The following CEP95 variants were observed in gnomAD, a reference collection of about 807,000 sequenced individuals.
The protein encoded by CEP95 is centrosomal protein 95.
In CEP95, 98 loss-of-function variants were observed where a neutral mutation model predicts 111.2. The ratio of observed to expected loss-of-function variants is 0.88; its 90% confidence interval spans 0.75 to 1.04. The LOEUF (loss-of-function observed/expected upper bound fraction) is 1.04, where lower values mean the gene tolerates loss of function less well. Ranked by LOEUF, CEP95 falls within the 50% of genes least tolerant of loss-of-function variation. The probability of loss-of-function intolerance (pLI) is 0.00; values close to 1 mark genes in which losing one functional copy is unlikely to be tolerated. For synonymous variants in CEP95, 323 were observed against 327.1 expected, an observed-to-expected ratio of 0.99 and a Z score of 0.14; for missense variants, 1,027 against 977.2, an observed-to-expected ratio of 1.05 and a Z score of -0.68.
At chr17:64,506,870 A>T (rs983624086), upstream of CEP95, 12 of 634,154 alleles carry the variant, frequency 1.9e-5, no homozygotes, top group East Asian at 3.3e-4. Flanking sequence ...AATGGTCTCT[A>T]AACTTCCCAA....
chr17:64,522,948 C>A lies in CEP95; in HGVS notation c.909+53C>A. ...GCTAGAAGTACACTTGTATGTATGT[C>A]TGTGTGTGTGTTGGTAATTGATTAG... On this transcript the variant is annotated intron_variant, in intron 8 of 19. Transcript: ENST00000556440. 5.1e-6 allele frequency: 7 copies of A among 1,372,318 alleles called. No homozygotes were observed. In the South Asian group the frequency reaches 9.0e-5, roughly 18 times the overall value. The allele number at this position is 1,372,318 out of a possible 1,614,324, so 85.0% of individuals were successfully genotyped here.
chr17:64,535,111 G>T (rs782425534), intron 17 of CEP95: 3 of 226,998 alleles, frequency 1.3e-5, no homozygotes, highest in Non-Finnish European at 2.7e-5. Context: ...TGCTGTGAGG[G>T]GTTTTCCACA....
chr17:64,514,457 C>A (rs1568127839), intron 4 of CEP95, 99 bp downstream of exon 4: 1 of 663,310 alleles, frequency 1.5e-6, no homozygotes, highest in African/African-American at 1.8e-5. Context: ...GAAGCAGATT[C>A]ACTAATACAG....
rs782555406 is a variant in CEP95, at chr17:64,508,575, C to A, written c.20-17C>A. On this transcript the variant is annotated splice_polypyrimidine_tract_variant and intron_variant, in intron 1 of 19. Transcript: ENST00000556440. Reference sequence around the variant, plus strand: ...TGGTGGTTTTTAAGACTGATCTTTCCCCCTTTTTCCCAACAGAGTGGGTAA... The same window carrying A: ...TGGTGGTTTTTAAGACTGATCTTTCACCCTTTTTCCCAACAGAGTGGGTAA... 1 of 1,362,000 alleles carries A rather than the reference C, an allele frequency of 7.3e-7. No homozygotes were observed. Among genetic ancestry groups the A allele is most frequent in the South Asian group, 2.1e-5 (1 of 48,630 alleles). 84.4% of individuals were successfully genotyped at this position (1,362,000 alleles called of 1,614,324 possible). A position where few individuals can be genotyped will look rare whatever the true frequency, so the allele number is the denominator to read the frequency against.
At chr17:64,525,671 C>T (rs144504747) in intron 8 of CEP95, 99 bp from the exon 9 acceptor site, 47 of 711,026 alleles carry the variant, frequency 6.6e-5, no homozygotes, top group African/African-American at 6.4e-4. Context: ...ATTGAAGGCA[C>T]GTAGCTTTGT....
At chr17:64,532,243 C>G in intron 14 of CEP95, 1 of 1,226,430 alleles carries the variant, frequency 8.2e-7, no homozygotes, top group Middle Eastern at 3.2e-4. Flanking sequence ...CCAAGGAATG[C>G]CAGGACTGCC....
At chr17:64,515,021 G>A (rs1468914220) in intron 4 of CEP95, among the ~76,000 whole-genome samples, 1 of 152,180 alleles carries the variant, frequency 6.6e-6, no homozygotes, top group Non-Finnish European at 1.5e-5. Context: ...TGAGACCTGT[G>A]ATAGTCACAT....
intron 8 of CEP95, among the ~76,000 whole-genome samples, chr17:64,524,435 T>C (rs1967632559): frequency 6.6e-6 from 1 of 152,104 alleles, no homozygotes; most frequent in South Asian, 2.1e-4. Context: ...GCCTCCCAAG[T>C]AGCTGGGACT....
chr17:64,520,252 A>T (rs1367950069), intron 6 of CEP95, among the ~76,000 whole-genome samples: 7 of 148,502 alleles, frequency 4.7e-5, no homozygotes, highest in African/African-American at 2.6e-5. Context: ...TTTTAACATT[A>T]TAAGTAGAGA....
chr17:64,531,293 C>A, intron 13 of CEP95, among the ~76,000 whole-genome samples: 1 of 152,258 alleles, frequency 6.6e-6, no homozygotes, highest in Middle Eastern at 3.4e-3. Context: ...TAGCAGTTCA[C>A]CAGGGGCTTA....
At chr17:64,510,062 T>A in intron 2 of CEP95, 111 bp from the exon 3 acceptor site, 1 of 656,420 alleles carries the variant, frequency 1.5e-6, no homozygotes, top group South Asian at 1.8e-5. Flanking sequence ...ATGTTCTGTT[T>A]GGGCAGAGCC....
At chr17:64,517,690 ATTTTTTT>A (rs782455302) in intron 5 of CEP95, among the ~76,000 whole-genome samples, 5 of 124,514 alleles carry the variant, frequency 4.0e-5, no homozygotes, top group Non-Finnish European at 8.6e-5. Flanking sequence ...CACCTGGCTA[ATTTTTTT>A]TTTTTTTTTT....
intron 5 of CEP95, among the ~76,000 whole-genome samples, 183 bp downstream of exon 5, chr17:64,517,011 A>G (rs1327706734): frequency 6.6e-6 from 1 of 151,928 alleles, no homozygotes; most frequent in African/African-American, 2.4e-5. Context: ...TAATACCTAA[A>G]TCTCAGTATC....
At position 64,529,347 on chromosome 17, in the gene CEP95, AACAAAC is replaced by A; in HGVS notation, c.1374_1379del (p.His458_Lys459del). 6.2e-7 allele frequency: 1 copy of A among 1,613,810 alleles called. No homozygotes were observed. Among genetic ancestry groups the A allele is most frequent in the Non-Finnish European group, 8.5e-7 (1 of 1,179,782 alleles). On this transcript the variant is annotated inframe_deletion, in exon 12 of 20. Coordinates refer to ENST00000556440, the MANE Select transcript of CEP95 (RefSeq NM_138363.3). ...CCATTCGCTCTCTCCATCTCCAGTT[AACAAAC>A]ACAAACAGTTCCACTTGGAGAGAAA...
At chr17:64,531,774 GCTAAAAAA>G (rs782801497) in intron 13 of CEP95, 108 bp from the exon 14 acceptor site, 149 of 699,404 alleles carry the variant, frequency 2.1e-4, no homozygotes, top group Middle Eastern at 1.3e-3. Context: ...CTTACTGTTA[GCTAAAAAA>G]CTAAAAAACT....
intron 14 of CEP95, chr17:64,532,620 A>G: frequency 7.5e-7 from 1 of 1,332,698 alleles, no homozygotes; most frequent in Middle Eastern, 2.9e-4. Flanking sequence ...TCCCAGGACC[A>G]GCATGGCATC....
chr17:64,511,352 A>AT (rs2038881211), intron 3 of CEP95, among the ~76,000 whole-genome samples: 1 of 152,192 alleles, frequency 6.6e-6, no homozygotes, highest in African/African-American at 2.4e-5. Flanking sequence ...CAGACCATAA[A>AT]AGATGGCCAC....
chr17:64,518,069 T>G (rs1243464818), intron 5 of CEP95, among the ~76,000 whole-genome samples: 1 of 151,270 alleles, frequency 6.6e-6, no homozygotes, highest in African/African-American at 2.4e-5. Context: ...TAAAGGTGAG[T>G]TTTCACCGTG....
intron 17 of CEP95, chr17:64,535,438 G>A (rs1302865895): frequency 2.0e-5 from 3 of 153,298 alleles, no homozygotes; most frequent in African/African-American, 7.2e-5. Flanking sequence ...CCTCAGTGAT[G>A]TACATGTGTA....
Sources: allele counts gnomAD v4.1 joint callset (sites outside exome capture counted in the v4.1 genomes callset), GRCh38; gene constraint gnomAD v4.1.1; transcripts MANE v1.5; gene names NCBI Gene and HGNC (gene_info 2026-07-23, HGNC 2026-07-21).